Variants in PTGIR observed in about 807,000 individuals in gnomAD.
PTGIR encodes the protein prostaglandin I2 receptor.
PTGIR carries 16 observed loss-of-function variants against 17.6 expected under a neutral mutation model. The observed-to-expected ratio is 0.91, with a 90% CI of 0.61 to 1.38. The LOEUF (loss-of-function observed/expected upper bound fraction) is 1.38, where lower values mean the gene tolerates loss of function less well. Ranked by LOEUF, PTGIR falls within the 40% of genes most tolerant of loss-of-function variation. The pLI is 0.00. For synonymous variants in PTGIR, 274 were observed against 255.4 expected (o/e 1.07, Z -0.69); for missense variants, 532 against 548.6 (o/e 0.97, Z 0.30).
chr19:46,616,320 G>T (rs527587063), downstream of PTGIR, among the ~76,000 whole-genome samples: 68 of 113,484 alleles, frequency 6.0e-4, no homozygotes, highest in African/African-American at 2.6e-3. Flanking sequence ...AAGCACGACA[G>T]AAATGCTTTT....
Position 46,621,425 on chromosome 19 carries a change from G to A in PTGIR, c.1016C>T (p.Pro339Leu). 1 of 1,611,406 alleles carries A rather than the reference G, an allele frequency of 6.2e-7. No homozygotes were observed. Residue 339 changes from proline (P) to leucine (L), a missense_variant, in exon 3 of 3, where the codon CCT becomes CTT. Physicochemically the swap from Pro to Leu is moderately conservative, Grantham distance 98 (BLOSUM62 -3). Coordinates refer to ENST00000291294, the MANE Select transcript of PTGIR (RefSeq NM_000960.4). The surrounding 1 kb of genome is among the most constrained non-coding windows in gnomAD (Gnocchi z 4.8). ...GRRDPRAPSAPVGKEGSCVPL... is the reference protein window; with the variant it reads ...GRRDPRAPSALVGKEGSCVPL... The stretch of plus-strand genomic sequence containing the variant: ...CACGCAGCTCCCCTCCTTTCCCACA[G>A]GAGCAGAGGGGGCCCTTGGGTCCCT...
At chr19:46,616,490 C>T (rs756199740), downstream of PTGIR, among the ~76,000 whole-genome samples, 8 of 151,872 alleles carry the variant, frequency 5.3e-5, no homozygotes, top group Non-Finnish European at 1.0e-4. Flanking sequence ...CCCGCCACCA[C>T]ACCCAGCTAA....
chr19:46,617,976 C>CT (rs1971986206), downstream of PTGIR, among the ~76,000 whole-genome samples: 1 of 149,208 alleles, frequency 6.7e-6, no homozygotes, highest in Non-Finnish European at 1.5e-5. Flanking sequence ...GTAGCTGGGA[C>CT]TACATGTGTG....
rs199981793 is a variant in PTGIR, at chr19:46,623,612, G to A, written c.614C>T (p.Ser205Leu). The A allele has an allele frequency of 4.5e-6, 7 of 1,549,588 alleles. No homozygotes were observed. Among genetic ancestry groups the A allele is most frequent in the South Asian group, 3.6e-5 (3 of 84,190 alleles). The change falls in exon 2 of 3, where the codon TCG becomes TTG. Residue 205 changes from serine (S) to leucine (L), a missense_variant. Ser to Leu is a moderately radical substitution (Grantham distance 145). Coordinates refer to ENST00000291294, the MANE Select transcript of PTGIR (RefSeq NM_000960.4). The stretch of plus-strand genomic sequence containing the variant: ...CATGCGGCAGAGGCTGAGGGTGACC[G>A]AGCCGTTGCAGAGGAAGATGGCAGC... Reference protein sequence around the residue: ...LVAAIFLCNGSVTLSLCRMYR... With the variant: ...LVAAIFLCNGLVTLSLCRMYR...
At chr19:46,611,723 A>G in the PTGIR span, among the ~76,000 whole-genome samples, 1 of 152,218 alleles carries the variant, frequency 6.6e-6, no homozygotes, top group Non-Finnish European at 1.5e-5. Context: ...CCTGGGCAAC[A>G]TAGCAAGACC....
At chr19:46,613,377 C>G in the PTGIR span, among the ~76,000 whole-genome samples, 1 of 145,750 alleles carries the variant, frequency 6.9e-6, no homozygotes, top group Non-Finnish European at 1.5e-5. Context: ...TCCCCCCCAG[C>G]CTAGGCTGGA....
In PTGIR at chr19:46,621,911, C is replaced by A; in HGVS notation, c.769-239G>T. 1 of 1,307,390 alleles carries A rather than the reference C, an allele frequency of 7.6e-7. No homozygotes were observed. The allele number at this position is 1,307,390 out of a possible 1,614,324, so 81.0% of individuals were successfully genotyped here. A position where few individuals can be genotyped will look rare whatever the true frequency, so the allele number is the denominator to read the frequency against. Reference sequence around the variant, plus strand: ...GGGCCAGGTATGTGGGTCCCCCCACCCTTGGAAGCTGGGAGGACCCTCGGG... The same window carrying A: ...GGGCCAGGTATGTGGGTCCCCCCACACTTGGAAGCTGGGAGGACCCTCGGG... On this transcript the variant is annotated intron_variant, in intron 2 of 2. Coordinates refer to ENST00000291294, the MANE Select transcript of PTGIR (RefSeq NM_000960.4). The surrounding 1 kb of genome is among the most constrained non-coding windows in gnomAD (Gnocchi z 4.8).
At chr19:46,614,503 G>A in the PTGIR span, 1 of 897,548 alleles carries the variant, frequency 1.1e-6, no homozygotes, top group Non-Finnish European at 1.3e-6. Context: ...ATCACTTCCT[G>A]AGCCCCACCC....
At chr19:46,611,433 A>G in the PTGIR span, among the ~76,000 whole-genome samples, 1 of 152,190 alleles carries the variant, frequency 6.6e-6, no homozygotes, top group Admixed American at 6.5e-5. Flanking sequence ...AGTGGTGAGA[A>G]AGGCATGGTC....
In PTGIR at chr19:46,621,302, C is replaced by T; in HGVS notation, c.1139G>A (p.Ser380Asn). 1.3e-6 allele frequency: 2 copies of T among 1,515,030 alleles called. No individual in the cohort carries two copies. The highest frequency in any genetic ancestry group is 1.8e-6 in the Non-Finnish European group (2 of 1,131,250). 93.8% of individuals were successfully genotyped at this position (1,515,030 alleles called of 1,614,324 possible). A position where few individuals can be genotyped will look rare whatever the true frequency, so the allele number is the denominator to read the frequency against. ...AVGTSSKAEA[S>N]VACSLC Reference sequence around the variant, plus strand: ...ATGTCAGCAGAGGGAGCAGGCGACGCTGGCTTCTGCTTTGGACGACGTTCC... The same window carrying T: ...ATGTCAGCAGAGGGAGCAGGCGACGTTGGCTTCTGCTTTGGACGACGTTCC... The change falls in exon 3 of 3, where the codon AGC becomes AAC. Residue 380 changes from serine (S) to asparagine (N), a missense_variant. Physicochemically the swap from Ser to Asn is conservative, Grantham distance 46 (BLOSUM62 1). Coordinates refer to ENST00000291294, the MANE Select transcript of PTGIR (RefSeq NM_000960.4). This position sits in a 1 kb window ranked among gnomAD's most constrained non-coding sequence, Gnocchi z 4.8.
downstream of PTGIR, among the ~76,000 whole-genome samples, chr19:46,617,435 T>C (rs1253609141): frequency 6.6e-6 from 1 of 150,712 alleles, no homozygotes; most frequent in African/African-American, 2.4e-5. Context: ...AGAGGTGGGG[T>C]GAGGGGAGGG....
Position 46,623,820 on chromosome 19 carries a change from C to T in PTGIR, c.406G>A (p.Ala136Thr), listed in dbSNP as rs200590943. Residue 136 changes from alanine to threonine, a missense_variant, in exon 2 of 3, where the codon GCC (alanine) becomes ACC (threonine). By Grantham distance (58) the Ala-to-Thr change is moderately conservative (BLOSUM62 0). Coordinates refer to ENST00000291294, the MANE Select transcript of PTGIR (RefSeq NM_000960.4). The stretch of plus-strand genomic sequence containing the variant: ...TAGATGGCTGGCAGCGCCAGGCGGG[C>T]GCAGCGGGGCCCGTCCAGCTGCGCG... ...LYAQLDGPRCARLALPAIYAF... is the reference protein window; with the variant it reads ...LYAQLDGPRCTRLALPAIYAF... The T allele has an allele frequency of 3.7e-6, 6 of 1,606,518 alleles. No homozygotes were observed. Among genetic ancestry groups the T allele is most frequent in the African/African-American group, 2.7e-5 (2 of 74,938 alleles).
rs1330155545 is a variant in PTGIR, at chr19:46,623,560, G to A, written c.666C>T (p.Gly222=). The A allele has an allele frequency of 1.3e-6, 2 of 1,554,238 alleles. No individual in the cohort carries two copies. Among genetic ancestry groups the A allele is most frequent in the Non-Finnish European group, 1.7e-6 (2 of 1,148,766 alleles). Residue 222 remains glycine (G), a synonymous_variant, in exon 2 of 3, where the codon GGC becomes GGT. Coordinates refer to ENST00000291294, the MANE Select transcript of PTGIR (RefSeq NM_000960.4). ...RMYRQQKRHQ[G]SLGPRPRTGE... is the part of the protein sequence containing the mutation. ...CGGTGCGCGGCCGTGGACCCAGAGA[G>A]CCCTGGTGGCGCTTCTGCTGGCGGT...
Position 46,621,766 on chromosome 19 carries a change from AG to A in PTGIR, c.769-95del. The A allele has an allele frequency of 6.7e-7, 1 of 1,493,692 alleles. No individual in the cohort carries two copies. The highest frequency in any genetic ancestry group is 1.4e-5 in the South Asian group (1 of 73,492). 92.5% of individuals were successfully genotyped at this position (1,493,692 alleles called of 1,614,324 possible). ...CCCACTTGCTTACCAGGGATGAGGT[AG>A]GGGTGACATGTCAGAGGGGAAGGAG... On this transcript the variant is annotated intron_variant, in intron 2 of 2. Coordinates refer to ENST00000291294, the MANE Select transcript of PTGIR (RefSeq NM_000960.4). This position sits in a 1 kb window ranked among gnomAD's most constrained non-coding sequence, Gnocchi z 4.8.
At chr19:46,620,277 T>C (rs992536071), downstream of PTGIR, among the ~76,000 whole-genome samples, 3 of 149,538 alleles carry the variant, frequency 2.0e-5, no homozygotes, top group Admixed American at 1.5e-4. Flanking sequence ...TTTTTAAAAT[T>C]TTTTTGTAGA....
chr19:46,616,054 G>A (rs145251857), downstream of PTGIR, among the ~76,000 whole-genome samples: 60 of 151,292 alleles, frequency 4.0e-4, no homozygotes, highest in South Asian at 2.3e-3. Flanking sequence ...CACCTGCCTC[G>A]GCCTCCCAAA....
Position 46,621,789 on chromosome 19 carries a change from G to A in PTGIR, c.769-117C>T, listed in dbSNP as rs1243192398. On this transcript the variant is annotated intron_variant, in intron 2 of 2. Coordinates refer to ENST00000291294, the MANE Select transcript of PTGIR (RefSeq NM_000960.4). The surrounding 1 kb of genome is among the most constrained non-coding windows in gnomAD (Gnocchi z 4.8). ...GTAGGGGTGACATGTCAGAGGGGAA[G>A]GAGATAAGATAAAGACTAAGTAACA... 2.1e-6 allele frequency: 3 copies of A among 1,455,216 alleles called. No individual in the cohort carries two copies. Among genetic ancestry groups the A allele is most frequent in the Non-Finnish European group, 2.7e-6 (3 of 1,103,660 alleles). 90.1% of individuals were successfully genotyped at this position (1,455,216 alleles called of 1,614,324 possible).
downstream of PTGIR, among the ~76,000 whole-genome samples, chr19:46,619,973 G>A (rs1247838315): frequency 6.6e-6 from 1 of 152,200 alleles, no homozygotes; most frequent in Admixed American, 6.5e-5. Flanking sequence ...CCTCTCTGAG[G>A]GCAGGGAGTG....
In PTGIR at chr19:46,621,292, G is replaced by A. The variant is rs1355365249; in HGVS notation, c.1149C>T (p.Cys383=). 2 of 1,511,302 alleles carry A rather than the reference G, an allele frequency of 1.3e-6. No individual in the cohort carries two copies. Among genetic ancestry groups the A allele is most frequent in the South Asian group, 2.7e-5 (2 of 74,088 alleles). The allele number at this position is 1,511,302 out of a possible 1,614,324, so 93.6% of individuals were successfully genotyped here. Residue 383 remains cysteine (C), a synonymous_variant, in exon 3 of 3, where the codon TGC becomes TGT. Coordinates refer to ENST00000291294, the MANE Select transcript of PTGIR (RefSeq NM_000960.4). This position sits in a 1 kb window ranked among gnomAD's most constrained non-coding sequence, Gnocchi z 4.8. ...TCAGCTTGAAATGTCAGCAGAGGGA[G>A]CAGGCGACGCTGGCTTCTGCTTTGG... ...TSSKAEASVA[C]SLC
Sources: gnomAD v4.1 joint callset for allele counts (sites outside exome capture counted in the v4.1 genomes callset) on GRCh38, gnomAD v4.1.1 for gene constraint, Gnocchi (gnomAD v3.1) non-coding constraint, MANE v1.5 for transcripts, NCBI Gene and HGNC (gene_info 2026-07-23, HGNC 2026-07-21) for gene names.